Variants in CYB5A observed in about 807,000 individuals in gnomAD.
CYB5A encodes the protein cytochrome b5.
A neutral mutation model predicts 16.2 loss-of-function variants in CYB5A; 10 were observed. The ratio of observed to expected loss-of-function variants is 0.62; its 90% CI spans 0.38 to 1.04. CYB5A has a LOEUF of 1.04. CYB5A is among the 50% of genes least tolerant of loss of function. The probability of loss-of-function intolerance (pLI) is 0.01; values close to 1 mark genes in which losing one functional copy is unlikely to be tolerated. For missense variants in CYB5A, 161 were observed against 165.9 expected (o/e 0.97, Z 0.16); for synonymous variants, 62 against 57.0 (o/e 1.09, Z -0.40).
chr18:74,275,852 A>G (rs1982851177), intron 1 of CYB5A, among the ~76,000 whole-genome samples: 1 of 152,196 alleles, frequency 6.6e-6, no homozygotes, highest in Admixed American at 6.5e-5. Flanking sequence ...GAAGAAGCTG[A>G]AAAGGAGAGG....
intron 3 of CYB5A, 135 bp from the exon 4 acceptor site, chr18:74,255,910 T>C (rs1337678198): frequency 1.4e-6 from 1 of 694,684 alleles, no homozygotes; most frequent in Non-Finnish European, 2.5e-6. Flanking sequence ...AAGGGAAAAT[T>C]ATAAACTTCT....
chr18:74,286,005 C>T (rs1158161539), intron 1 of CYB5A, among the ~76,000 whole-genome samples: 1 of 152,144 alleles, frequency 6.6e-6, no homozygotes, highest in Non-Finnish European at 1.5e-5. Context: ...AAGGAGGCAG[C>T]CTGGGAACAG....
chr18:74,278,153 C>T (rs1201220283), intron 1 of CYB5A, among the ~76,000 whole-genome samples: 1 of 152,146 alleles, frequency 6.6e-6, no homozygotes, highest in Non-Finnish European at 1.5e-5. Flanking sequence ...ACTTTACAGA[C>T]AGAGGTGACG....
chr18:74,271,037 T>C (rs1176135419), intron 1 of CYB5A, among the ~76,000 whole-genome samples: 1 of 152,236 alleles, frequency 6.6e-6, no homozygotes, highest in Non-Finnish European at 1.5e-5. Context: ...ACTTTCCCTC[T>C]CATTCCAACT....
At chr18:74,273,779 C>T (rs988534130) in intron 1 of CYB5A, among the ~76,000 whole-genome samples, 3 of 152,228 alleles carry the variant, frequency 2.0e-5, no homozygotes, top group African/African-American at 4.8e-5. Context: ...TCACAGCTCC[C>T]CCGGGGATCA....
chr18:74,291,834 T>C lies in CYB5A; in HGVS notation c.42A>G (p.Leu14=), dbSNP rs763016491. The C allele has an allele frequency of 8.1e-6, 13 of 1,613,738 alleles. No homozygotes were observed. Among genetic ancestry groups the C allele is most frequent in the African/African-American group, 1.3e-5 (1 of 74,964 alleles). ...TGTGGTTGTGCTTCTGAATCTCCTC[T>C]AGGGTGTAGTACTTCACGGCCTCGT... The part of the protein sequence containing the change: ...QSDEAVKYYT[L]EEIQKHNHSK... The change falls in exon 1 of 5, where the codon CTA becomes CTG. Residue 14 remains leucine (L), a synonymous_variant. Coordinates refer to ENST00000340533, the MANE Select transcript of CYB5A (RefSeq NM_148923.4).
intron 4 of CYB5A, among the ~76,000 whole-genome samples, chr18:74,255,467 G>A (rs1981936512): frequency 6.6e-6 from 1 of 152,208 alleles, no homozygotes; most frequent in African/African-American, 2.4e-5. Context: ...CGCCTAAGAT[G>A]CTGCCCTGGG....
chr18:74,277,992 C>A (rs573423914), intron 1 of CYB5A, among the ~76,000 whole-genome samples: 1 of 152,304 alleles, frequency 6.6e-6, no homozygotes, highest in South Asian at 2.1e-4. Flanking sequence ...ACTCTAGCAG[C>A]CAGGGAAAAA....
chr18:74,285,956 G>A (rs1983303859), intron 1 of CYB5A, among the ~76,000 whole-genome samples: 1 of 151,996 alleles, frequency 6.6e-6, no homozygotes, highest in African/African-American at 2.4e-5. Context: ...AAACATGGAA[G>A]GAAAGAGGAT....
rs1599259029 is a variant in CYB5A at position 74,273,819 on chromosome 18, A to G, written c.130-10342T>C. Among the ~76,000 whole-genome samples, 4 of 152,332 alleles carry G rather than the reference A, an allele frequency of 2.6e-5. No individual in the cohort carries two copies. The South Asian group carries it at 8.3e-4, about 32-fold the overall frequency. ...AGGCTTCCTTCCTTCATACCTACAT[A>G]AGAACCTCGCTGAGAAGACACGTGG... is the stretch of plus-strand genomic sequence containing the variant. On this transcript the variant is annotated intron_variant, in intron 1 of 4. Coordinates refer to ENST00000340533, the MANE Select transcript of CYB5A (RefSeq NM_148923.4).
intron 4 of CYB5A, among the ~76,000 whole-genome samples, 199 bp downstream of exon 4, chr18:74,255,542 G>T (rs542042011): frequency 6.6e-6 from 1 of 152,156 alleles, no homozygotes; most frequent in Non-Finnish European, 1.5e-5. Flanking sequence ...GCTAGATCAC[G>T]TGGCTGTGGA....
intron 1 of CYB5A, among the ~76,000 whole-genome samples, chr18:74,280,250 A>G (rs1193314451): frequency 6.6e-6 from 1 of 152,148 alleles, no homozygotes; most frequent in Non-Finnish European, 1.5e-5. Flanking sequence ...TCTTTGCCTA[A>G]TCCTAAGTCA....
intron 1 of CYB5A, among the ~76,000 whole-genome samples, chr18:74,290,206 T>C (rs1262317605): frequency 6.6e-6 from 1 of 152,042 alleles, no homozygotes; most frequent in Non-Finnish European, 1.5e-5. Context: ...CAGAGTGAAA[T>C]ACCTTACCAA....
chr18:74,287,743 A>C (rs1983372708), intron 1 of CYB5A, among the ~76,000 whole-genome samples: 1 of 152,202 alleles, frequency 6.6e-6, no homozygotes, highest in African/African-American at 2.4e-5. Flanking sequence ...TTCACGAATC[A>C]AACACCCACT....
At chr18:74,256,071 A>G (rs1318474033) in intron 3 of CYB5A, 4 of 346,186 alleles carry the variant, frequency 1.2e-5, no homozygotes, top group Admixed American at 4.4e-5. Flanking sequence ...TAAATAATGC[A>G]GAAACTGAAA....
intron 3 of CYB5A, chr18:74,260,370 G>C (rs1790817): frequency 0.062 from 13,112 of 210,306 alleles, 1,166 homozygotes; most frequent in African/African-American, 0.22. Context: ...AGAGAGAAAG[G>C]CTAGTGAATC....
intron 1 of CYB5A, among the ~76,000 whole-genome samples, chr18:74,273,680 G>GA (rs1200004887): frequency 6.6e-6 from 1 of 152,184 alleles, no homozygotes; most frequent in South Asian, 2.1e-4. Flanking sequence ...GCTTTAAACT[G>GA]AAAAAATGCT....
chr18:74,286,384 G>GT (rs1568225668), intron 1 of CYB5A, among the ~76,000 whole-genome samples: 1 of 152,136 alleles, frequency 6.6e-6, no homozygotes, highest in African/African-American at 2.4e-5. Context: ...GAGTCATTTT[G>GT]TTTACTAGTT....
In CYB5A at chr18:74,268,110, C is replaced by T. The variant is rs532938652; in HGVS notation, c.130-4633G>A. On this transcript the variant is annotated intron_variant, in intron 1 of 4. Transcript: ENST00000340533. ...AACGTCTCCACGTGGCAGCCACAGT[C>T]GGAGCCAAGATAGCGACGGCTCCCG... 9.0e-4 allele frequency among the ~76,000 whole-genome samples: 137 copies of T among 152,326 alleles called. 2 individuals carry two copies. The South Asian group carries it at 0.016, about 18-fold the overall frequency.
Sources: gnomAD v4.1 joint callset for allele counts (sites outside exome capture counted in the v4.1 genomes callset) on GRCh38, gnomAD v4.1.1 for gene constraint, MANE v1.5 for transcripts, NCBI Gene and HGNC (gene_info 2026-07-23, HGNC 2026-07-21) for gene names.